The following ATXN1 variants were observed in gnomAD, a reference collection of about 807,000 sequenced individuals.
The protein encoded by ATXN1 is ataxin 1, also known as ataxin-1.
ATXN1 carries 8 observed loss-of-function variants against 56.4 expected under a neutral mutation model. That is an observed-to-expected ratio of 0.14 (90% CI 0.08 to 0.26). ATXN1 has a LOEUF of 0.26. ATXN1 is among the 10% of genes least tolerant of loss of function. The pLI, the probability that ATXN1 is intolerant of heterozygous loss-of-function variation, is 1.00. For synonymous variants in ATXN1, 514 were observed against 494.6 expected (o/e 1.04, Z -0.52); for missense variants, 987 against 1,106.5 (o/e 0.89, Z 1.53).
intron 5 of ATXN1, among the ~76,000 whole-genome samples, chr6:16,491,446 G>A (rs985612374): frequency 4.0e-5 from 6 of 151,556 alleles, no homozygotes; most frequent in Non-Finnish European, 7.4e-5. Flanking sequence ...CACTACGCCC[G>A]GCTAATTTTT....
At chr6:16,560,213 T>C (rs1762090985) in intron 4 of ATXN1, among the ~76,000 whole-genome samples, 1 of 152,098 alleles carries the variant, frequency 6.6e-6, no homozygotes, top group South Asian at 2.1e-4. Context: ...TGTAAAAATG[T>C]CCTGACAGGA....
intron 3 of ATXN1, among the ~76,000 whole-genome samples, chr6:16,635,404 CTA>C: frequency 6.6e-6 from 1 of 152,304 alleles, no homozygotes; most frequent in Admixed American, 6.5e-5. Flanking sequence ...CCGCTCCACC[CTA>C]GTCTGTGGAA....
chr6:16,463,764 G>C (rs1301920974), intron 6 of ATXN1, among the ~76,000 whole-genome samples: 1 of 152,186 alleles, frequency 6.6e-6, no homozygotes, highest in Non-Finnish European at 1.5e-5. Context: ...CTCTAGAGTT[G>C]GGCAACATGG....
At chr6:16,669,285 C>A (rs1326900734) in intron 2 of ATXN1, among the ~76,000 whole-genome samples, 7 of 152,172 alleles carry the variant, frequency 4.6e-5, no homozygotes, top group African/African-American at 1.4e-4. Flanking sequence ...GGTGCATTTC[C>A]ATTTGTAAGC....
At chr6:16,427,941 G>A (rs915321592) in intron 6 of ATXN1, among the ~76,000 whole-genome samples, 1 of 152,206 alleles carries the variant, frequency 6.6e-6, no homozygotes, top group Non-Finnish European at 1.5e-5. Context: ...GGCTGTGGGA[G>A]GGGGTGCTCA....
chr6:16,411,125 CAAAAAA>C (rs746717153), intron 6 of ATXN1, among the ~76,000 whole-genome samples: 6 of 80,678 alleles, frequency 7.4e-5, no homozygotes, highest in African/African-American at 1.9e-4. Context: ...ACCTCTGTGT[CAAAAAA>C]AAAAAAAAAA....
At chr6:16,533,221 AAAGAAG>A (rs372406871) in intron 4 of ATXN1, among the ~76,000 whole-genome samples, 5 of 152,172 alleles carry the variant, frequency 3.3e-5, no homozygotes, top group African/African-American at 4.8e-5. Flanking sequence ...ATCACAATAA[AAAGAAG>A]AAGAAGAAGA....
At chr6:16,418,877 T>C (rs982454343) in intron 6 of ATXN1, among the ~76,000 whole-genome samples, 3 of 152,044 alleles carry the variant, frequency 2.0e-5, no homozygotes, top group East Asian at 1.9e-4. Context: ...ATTTGTTCCT[T>C]AGCTTTCAAG....
chr6:16,423,181 C>T (rs2282841), intron 6 of ATXN1, among the ~76,000 whole-genome samples: 21,660 of 152,146 alleles, frequency 0.14, 2,035 homozygotes, highest in African/African-American at 0.27. Flanking sequence ...GTGATCTCAA[C>T]GACCCTGAAA....
chr6:16,683,116 TA>T (rs370971267), intron 2 of ATXN1, among the ~76,000 whole-genome samples: 83 of 146,596 alleles, frequency 5.7e-4, no homozygotes, highest in South Asian at 1.9e-3. Context: ...ATCTGGCCAT[TA>T]AAAAAAAAAA....
intron 3 of ATXN1, among the ~76,000 whole-genome samples, chr6:16,640,698 A>G (rs1763692992): frequency 6.6e-6 from 1 of 152,116 alleles, no homozygotes; most frequent in South Asian, 2.1e-4. Context: ...AGAAAAAAAA[A>G]AAAGAATATT....
intron 6 of ATXN1, among the ~76,000 whole-genome samples, chr6:16,401,114 T>A (rs1758560781): frequency 1.3e-5 from 2 of 152,204 alleles, no homozygotes; most frequent in South Asian, 2.1e-4. Flanking sequence ...TAGTACCCCA[T>A]TAATTTTCTA....
intron 2 of ATXN1, among the ~76,000 whole-genome samples, chr6:16,668,592 A>G (rs909311197): frequency 6.6e-6 from 1 of 152,004 alleles, no homozygotes; most frequent in Non-Finnish European, 1.5e-5. Context: ...TTCTCAGGGA[A>G]GAGAATTAGG....
Position 16,714,188 on chromosome 6 carries a change from CACA to C in ATXN1, c.-615+39042_-615+39044del, listed in dbSNP as rs1561819316. ...GAAAAAAAAAACCACACACCACACA[CACA>C]CACACACACACACACACACACACAC... On this transcript the variant is annotated intron_variant, in intron 2 of 7. Transcript: ENST00000436367. Among the ~76,000 whole-genome samples, 439 of 124,362 alleles carry C rather than the reference CACA, an allele frequency of 3.5e-3. 5 individuals are homozygous for C. The highest frequency in any genetic ancestry group is 0.011 in the African/African-American group (336 of 31,840). 81.6% of individuals were successfully genotyped at this position (124,362 alleles called of 152,430 possible).
intron 2 of ATXN1, among the ~76,000 whole-genome samples, chr6:16,710,225 A>G (rs1420289825): frequency 6.6e-6 from 1 of 152,260 alleles, no homozygotes. Flanking sequence ...AAAAGCATAA[A>G]GTACAATTAA....
intron 3 of ATXN1, among the ~76,000 whole-genome samples, chr6:16,603,429 G>A (rs114677387): frequency 0.046 from 6,997 of 152,200 alleles, 259 homozygotes; most frequent in Non-Finnish European, 0.073. Flanking sequence ...AAGTTCTCAT[G>A]GGGAGACCTC....
At chr6:16,595,946 C>G (rs372476471) in intron 3 of ATXN1, among the ~76,000 whole-genome samples, 5 of 152,208 alleles carry the variant, frequency 3.3e-5, no homozygotes, top group African/African-American at 1.2e-4. Context: ...CAGTGTTAAA[C>G]AGGAGCGAGA....
rs191469714 is a variant in ATXN1, at chr6:16,377,370, G to C, written c.-160-48900C>G. On this transcript the variant is annotated intron_variant, in intron 6 of 7. Coordinates refer to ENST00000436367, the MANE Select transcript of ATXN1 (RefSeq NM_001128164.2). ...TGGCACACTCTTGTTCTCTGCCTGG[G>C]AGAACAAGTCAGCTGATATGAGCCT... Among the ~76,000 whole-genome samples, 22 of 152,238 alleles carry C rather than the reference G, an allele frequency of 1.4e-4. No homozygotes were observed. The East Asian group carries it at 4.1e-3, about 28-fold the overall frequency.
intron 2 of ATXN1, chr6:16,737,920 C>T (rs1338938302): frequency 1.3e-5 from 2 of 151,570 alleles, no homozygotes; most frequent in Non-Finnish European, 2.9e-5. Flanking sequence ...GTTATAAACA[C>T]AGAAAGAAAA....
Sources: allele counts gnomAD v4.1 joint callset (sites outside exome capture counted in the v4.1 genomes callset), GRCh38; gene constraint gnomAD v4.1.1; transcripts MANE v1.5; gene names NCBI Gene and HGNC (gene_info 2026-07-23, HGNC 2026-07-21).